Variants in HIVEP2 observed in about 807,000 individuals in gnomAD.
HIVEP2 encodes HIVEP zinc finger 2, also known as transcription factor HIVEP2.
A neutral mutation model predicts 180.7 loss-of-function variants in HIVEP2; 14 were observed. The ratio of observed to expected loss-of-function variants is 0.08; its 90% CI spans 0.05 to 0.12. The LOEUF (loss-of-function observed/expected upper bound fraction) is 0.12, where lower values mean the gene tolerates loss of function less well. HIVEP2 is among the 10% of genes least tolerant of loss of function. The pLI is 1.00. For synonymous variants in HIVEP2, 1,184 were observed against 1,136.4 expected, an observed-to-expected ratio of 1.04 and a Z score of -0.84; for missense variants, 2,579 against 3,008.5, an observed-to-expected ratio of 0.86 and a Z score of 3.34.
rs904177028 is a variant in HIVEP2 at position 142,863,019 on chromosome 6, T to C, written c.-640-25972A>G. On this transcript the variant is annotated intron_variant, in intron 1 of 9. Coordinates refer to ENST00000367603, the MANE Select transcript of HIVEP2 (RefSeq NM_006734.4). ...ATAATTACATATATTATATATTACA[T>C]ACAATATGTAATATATATTACATAA... 5.7e-4 allele frequency among the ~76,000 whole-genome samples: 81 copies of C among 142,020 alleles called. 1 individual carries two copies. Among genetic ancestry groups the C allele is most frequent in the Admixed American group, 1.1e-3 (15 of 13,866 alleles). 93.2% of individuals were successfully genotyped at this position (142,020 alleles called of 152,430 possible).
chr6:142,797,193 T>C (rs1776299527), intron 2 of HIVEP2, among the ~76,000 whole-genome samples: 1 of 152,166 alleles, frequency 6.6e-6, no homozygotes, highest in African/African-American at 2.4e-5. Flanking sequence ...TGATATTTTA[T>C]TCATTAAATA....
intron 1 of HIVEP2, among the ~76,000 whole-genome samples, chr6:142,926,928 T>A (rs1777829000): frequency 6.6e-6 from 1 of 151,804 alleles, no homozygotes; most frequent in Non-Finnish European, 1.5e-5. Flanking sequence ...TGCGGAGACG[T>A]CATTGCATTC....
rs555954297 is a variant in HIVEP2 at position 142,924,466 on chromosome 6, A to T, written c.-641+20633T>A. Among the ~76,000 whole-genome samples, 5 of 152,316 alleles carry T rather than the reference A, an allele frequency of 3.3e-5. No individual in the cohort carries two copies. The East Asian group carries it at 9.6e-4, about 29-fold the overall frequency. ...CAGTAGACAACCAATTCTTTCAAAAAATACTGTTTAAGATATTTCAAATTG... is the reference window on the plus strand; with the variant it reads ...CAGTAGACAACCAATTCTTTCAAAATATACTGTTTAAGATATTTCAAATTG... On this transcript the variant is annotated intron_variant, in intron 1 of 9. Transcript: ENST00000367603.
intron 2 of HIVEP2, among the ~76,000 whole-genome samples, chr6:142,804,488 T>C (rs1776495721): frequency 6.6e-6 from 1 of 152,062 alleles, no homozygotes; most frequent in Non-Finnish European, 1.5e-5. Context: ...AAGAGAATTA[T>C]TAGTGCCCAA....
intron 1 of HIVEP2, among the ~76,000 whole-genome samples, chr6:142,867,269 A>C (rs1290074907): frequency 6.6e-6 from 1 of 152,138 alleles, no homozygotes; most frequent in East Asian, 1.9e-4. Context: ...CTTTACAGGA[A>C]GGCTGTGGCC....
intron 1 of HIVEP2, among the ~76,000 whole-genome samples, chr6:142,865,116 A>T (rs1234454861): frequency 1.3e-5 from 2 of 152,222 alleles, no homozygotes; most frequent in Non-Finnish European, 2.9e-5. Context: ...TTAATAAGAA[A>T]ATAAGTCTCT....
At chr6:142,817,501 T>G (rs1776874558) in intron 2 of HIVEP2, among the ~76,000 whole-genome samples, 1 of 152,232 alleles carries the variant, frequency 6.6e-6, no homozygotes, top group Non-Finnish European at 1.5e-5. Flanking sequence ...AATGCCCATG[T>G]GTCTTATGTA....
rs766771618 is a variant in HIVEP2 at position 142,774,638 on chromosome 6, A to G, written c.101T>C (p.Ile34Thr). 10 of 1,614,074 alleles carry G rather than the reference A, an allele frequency of 6.2e-6. No homozygotes were observed. In the Admixed American group the frequency reaches 1.2e-4, roughly 19 times the overall value. The change falls in exon 5 of 10, where the codon ATT becomes ACT. Residue 34 changes from isoleucine (I) to threonine (T), a missense_variant. Around this residue, in one of 11 missense-constraint regions of HIVEP2, gnomAD observed 207 missense variants for 210.1 expected, o/e 0.99. Transcript: ENST00000367603. This position sits in a 1 kb window ranked among gnomAD's most constrained non-coding sequence, Gnocchi z 5.1. ...ATGACTGCCAAAAGTGCTCATCTTA[A>G]TAACAGCTGATTGTTCCTGTCTCCA... is the stretch of plus-strand genomic sequence containing the variant. Reference protein sequence around the residue: ...GRWRQEQSAVIKMSTFGSHEG... With the variant: ...GRWRQEQSAVTKMSTFGSHEG...
chr6:142,824,115 C>T (rs556273166), intron 2 of HIVEP2, among the ~76,000 whole-genome samples: 9 of 151,812 alleles, frequency 5.9e-5, no homozygotes, highest in South Asian at 2.1e-4. Context: ...CTTTAGGTCC[C>T]GAGAATTAGT....
In HIVEP2 at chr6:142,888,915, T is replaced by C. The variant is rs183085104; in HGVS notation, c.-640-51868A>G. 3.3e-3 allele frequency among the ~76,000 whole-genome samples: 500 copies of C among 152,264 alleles called. 3 individuals carry two copies. Among genetic ancestry groups the C allele is most frequent in the Middle Eastern group, 0.014 (4 of 294 alleles). On this transcript the variant is annotated intron_variant, in intron 1 of 9. Transcript: ENST00000367603. ...TATGCTCTACATGACCAAAAATGAG[T>C]TGTAGAAAACATAACTCTGACTATA...
At chr6:142,915,366 T>C (rs1290860608) in intron 1 of HIVEP2, among the ~76,000 whole-genome samples, 1 of 152,112 alleles carries the variant, frequency 6.6e-6, no homozygotes, top group African/African-American at 2.4e-5. Context: ...AGGCAGAGAC[T>C]ACAGTAATGA....
In HIVEP2 at chr6:142,751,965, G is replaced by C. The variant is rs935909209; in HGVS notation, c.*1142C>G. The stretch of plus-strand genomic sequence containing the variant: ...AAGTGCGACCCTCTGTGTAGCCTTA[G>C]TTCCAGTCACCATCCTGTGTAGCAA... On this transcript the variant is annotated 3_prime_UTR_variant, in exon 10 of 10. Transcript: ENST00000367603. The C allele has an allele frequency of 6.6e-6, 1 of 152,620 alleles. No homozygotes were observed. Among genetic ancestry groups the C allele is most frequent in the African/African-American group, 2.4e-5 (1 of 41,430 alleles). The allele number at this position is 152,620 out of a possible 1,614,324, so 9.5% of individuals were successfully genotyped here. A position where few individuals can be genotyped will look rare whatever the true frequency, so the allele number is the denominator to read the frequency against.
At chr6:142,864,615 C>T (rs1776089705) in intron 1 of HIVEP2, among the ~76,000 whole-genome samples, 1 of 152,160 alleles carries the variant, frequency 6.6e-6, no homozygotes, top group African/African-American at 2.4e-5. Context: ...ATTTTTTGAG[C>T]ACCTAATAAC....
At chr6:142,899,068 A>G (rs1777067564) in intron 1 of HIVEP2, among the ~76,000 whole-genome samples, 1 of 152,168 alleles carries the variant, frequency 6.6e-6, no homozygotes, top group Non-Finnish European at 1.5e-5. Flanking sequence ...ACAGAGTTCA[A>G]ACATAGCAGC....
chr6:142,827,760 A>T (rs923892586), intron 2 of HIVEP2, among the ~76,000 whole-genome samples: 3 of 152,086 alleles, frequency 2.0e-5, no homozygotes, highest in African/African-American at 7.2e-5. Flanking sequence ...CAAGAAAATA[A>T]TCTGGGAGCC....
At chr6:142,903,895 T>A (rs1303318362) in intron 1 of HIVEP2, among the ~76,000 whole-genome samples, 1 of 152,226 alleles carries the variant, frequency 6.6e-6, no homozygotes, top group Non-Finnish European at 1.5e-5. Context: ...AAATTCCATC[T>A]TAGTAGCAAT....
At chr6:142,841,497 A>T (rs1775361987) in intron 1 of HIVEP2, among the ~76,000 whole-genome samples, 1 of 152,062 alleles carries the variant, frequency 6.6e-6, no homozygotes, top group African/African-American at 2.4e-5. Flanking sequence ...GTTCAAATCC[A>T]TGGTAGAGCT....
chr6:142,865,545 A>T (rs1377627251), intron 1 of HIVEP2, among the ~76,000 whole-genome samples: 1 of 152,180 alleles, frequency 6.6e-6, no homozygotes, highest in Non-Finnish European at 1.5e-5. Context: ...AATGCCTACG[A>T]ACGTACCACC....
chr6:142,834,840 A>G (rs1401853816), intron 2 of HIVEP2, among the ~76,000 whole-genome samples: 3 of 152,170 alleles, frequency 2.0e-5, no homozygotes, highest in Non-Finnish European at 4.4e-5. Flanking sequence ...TTACATTGAA[A>G]AAAAAACCCT....
Sources: gnomAD v4.1 joint callset for allele counts (sites outside exome capture counted in the v4.1 genomes callset) on GRCh38, gnomAD v4.1.1 for gene constraint, gnomAD v4.1.1 regional missense constraint, Gnocchi (gnomAD v3.1) non-coding constraint, MANE v1.5 for transcripts, NCBI Gene and HGNC (gene_info 2026-07-23, HGNC 2026-07-21) for gene names.